FGD5: variants seen among roughly 807,000 people sequenced by gnomAD.
FGD5 encodes the protein FYVE, RhoGEF and PH domain-containing protein 5.
In FGD5, 28 loss-of-function variants were observed where a neutral mutation model predicts 133.4. That is an observed-to-expected ratio of 0.21 (90% CI 0.16 to 0.29). The LOEUF (loss-of-function observed/expected upper bound fraction) is 0.29, where lower values mean the gene tolerates loss of function less well. FGD5 is among the 10% of genes least tolerant of loss of function. FGD5 has a pLI of 1.00. For missense variants in FGD5, 1,858 were observed against 1,895.2 expected (o/e 0.98, Z 0.36); for synonymous variants, 810 against 776.5 (o/e 1.04, Z -0.72).
intron 1 of FGD5, among the ~76,000 whole-genome samples, chr3:14,851,848 G>A (rs1689528): frequency 0.061 from 9,320 of 151,636 alleles, 403 homozygotes; most frequent in East Asian, 0.15. Context: ...GGAGGAGGCT[G>A]AGATGGAATC....
At chr3:14,845,751 G>A (rs977238300) in intron 1 of FGD5, among the ~76,000 whole-genome samples, 7 of 152,184 alleles carry the variant, frequency 4.6e-5, no homozygotes, top group Admixed American at 3.3e-4. Flanking sequence ...TCATTGCCAC[G>A]TGCTTTGTTT....
At chr3:14,898,951 C>T (rs2038188456) in intron 7 of FGD5, 125 bp downstream of exon 7, 1 of 792,416 alleles carries the variant, frequency 1.3e-6, no homozygotes, top group Non-Finnish European at 2.0e-6. Flanking sequence ...GGAAGGGTGA[C>T]CTCTGCCATC....
chr3:14,849,591 C>T (rs2037119973), intron 1 of FGD5, among the ~76,000 whole-genome samples: 1 of 152,170 alleles, frequency 6.6e-6, no homozygotes, highest in Non-Finnish European at 1.5e-5. Flanking sequence ...TTCTAACCCT[C>T]ACTAAGCTGG....
At position 14,927,469 on chromosome 3, in the gene FGD5, A is replaced by C. The variant is rs1369599; in HGVS notation, c.4197+1271A>C. ...CCCTATCTCAACGAAAAATAAAATG[A>C]ATGAATGAATGAATGAATGAATGAT... On this transcript the variant is annotated intron_variant, in intron 18 of 19. Transcript: ENST00000285046. 7.9e-3 allele frequency among the ~76,000 whole-genome samples: 1,155 copies of C among 146,060 alleles called. 24 individuals are homozygous for C. The highest frequency in any genetic ancestry group is 0.031 in the African/African-American group (1,108 of 35,908).
At chr3:14,842,902 C>T (rs60573957) in intron 1 of FGD5, among the ~76,000 whole-genome samples, 75,707 of 151,986 alleles carry the variant, frequency 0.5, 19,198 homozygotes, top group African/African-American at 0.55. Flanking sequence ...AAACCCTGGC[C>T]CCTCTGTCTG....
chr3:14,821,047 T>C lies in FGD5; in HGVS notation c.1976T>C (p.Leu659Pro). 1 of 1,613,946 alleles carries C rather than the reference T, an allele frequency of 6.2e-7. No homozygotes were observed. Among genetic ancestry groups the C allele is most frequent in the Non-Finnish European group, 8.5e-7 (1 of 1,179,874 alleles). The change falls in exon 1 of 20, where the codon CTG becomes CCG. Residue 659 changes from leucine to proline, a missense_variant. Coordinates refer to ENST00000285046, the MANE Select transcript of FGD5 (RefSeq NM_152536.4). ...KKSSFKRFLA[L>P]TFKKKTENKL... ...TCATCCTTTAAGCGCTTCCTGGCACTGACGTTTAAGAAGAAGACGGAGAAC... is the reference window on the plus strand; with the variant it reads ...TCATCCTTTAAGCGCTTCCTGGCACCGACGTTTAAGAAGAAGACGGAGAAC...
At chr3:14,883,209 A>G (rs1421671606) in intron 4 of FGD5, among the ~76,000 whole-genome samples, 2 of 152,180 alleles carry the variant, frequency 1.3e-5, no homozygotes, top group African/African-American at 4.8e-5. Flanking sequence ...AATGGAGTTT[A>G]CATTTTTAAA....
intron 1 of FGD5, among the ~76,000 whole-genome samples, chr3:14,844,204 TAA>T (rs1168327274): frequency 0.043 from 738 of 17,094 alleles, 51 homozygotes; most frequent in Non-Finnish European, 0.051. Context: ...TAATAGGCAT[TAA>T]AAAAAAAAAA....
chr3:14,818,364 G>A (rs181023839), upstream of FGD5, among the ~76,000 whole-genome samples: 129 of 152,322 alleles, frequency 8.5e-4, no homozygotes, highest in Admixed American at 7.8e-4. Context: ...TTCATGAAGG[G>A]ATGAAATGGC....
intron 1 of FGD5, among the ~76,000 whole-genome samples, chr3:14,845,204 A>G (rs2037026679): frequency 6.6e-6 from 1 of 152,132 alleles, no homozygotes; most frequent in Non-Finnish European, 1.5e-5. Context: ...AAAGGTTCTG[A>G]AGGCACCCTT....
chr3:14,813,883 A>G (rs1053259739), intron 1 of FGD5, among the ~76,000 whole-genome samples: 4 of 152,202 alleles, frequency 2.6e-5, no homozygotes, highest in Non-Finnish European at 1.5e-5. Flanking sequence ...AGTGACAGAT[A>G]TTTAATTAAA....
At chr3:14,814,473 C>A (rs2036339756), upstream of FGD5, among the ~76,000 whole-genome samples, 1 of 152,154 alleles carries the variant, frequency 6.6e-6, no homozygotes, top group Admixed American at 6.5e-5. Flanking sequence ...CCATCTGGCT[C>A]CCTTTTGTGA....
At chr3:14,812,126 T>C (rs2036305089) in intron 1 of FGD5, among the ~76,000 whole-genome samples, 1 of 152,112 alleles carries the variant, frequency 6.6e-6, no homozygotes, top group South Asian at 2.1e-4. Context: ...GCTGCGCGTT[T>C]AGACAGTCTG....
At chr3:14,904,914 A>G (rs1211619403) in intron 9 of FGD5, among the ~76,000 whole-genome samples, 2 of 152,292 alleles carry the variant, frequency 1.3e-5, no homozygotes, top group South Asian at 2.1e-4. Flanking sequence ...TCAGCCTTCC[A>G]AACTGCTGGG....
intron 1 of FGD5, among the ~76,000 whole-genome samples, chr3:14,837,861 AT>A: frequency 6.6e-6 from 1 of 152,026 alleles, no homozygotes; most frequent in Admixed American, 6.5e-5. Context: ...GAGCTAAGTG[AT>A]TTCGTAGGGC....
At chr3:14,909,768 T>G (rs931238471) in intron 10 of FGD5, among the ~76,000 whole-genome samples, 9 of 151,274 alleles carry the variant, frequency 5.9e-5, no homozygotes, top group Admixed American at 3.9e-4. Context: ...TTTCTTTTTT[T>G]TTTTTTTTTG....
At position 14,921,972 on chromosome 3, in the gene FGD5, G is replaced by T; in HGVS notation, c.3624G>T (p.Glu1208Asp). 6.4e-7 allele frequency: 1 copy of T among 1,572,012 alleles called. No homozygotes were observed. Among genetic ancestry groups the T allele is most frequent in the Non-Finnish European group, 8.6e-7 (1 of 1,158,670 alleles). Residue 1208 changes from glutamate (E) to aspartate (D), a missense_variant, in exon 14 of 20, where the codon GAG becomes GAT. Transcript: ENST00000285046. The stretch of plus-strand genomic sequence containing the variant: ...GCTGTCTGAGCAGAGCCCTCCCTGA[G>T]GACTACAAGGCCCAGGCGCTGGCTG... ...WYGCLSRALP[E>D]DYKAQALAAF...
At chr3:14,850,086 C>T (rs1311823300) in intron 1 of FGD5, among the ~76,000 whole-genome samples, 2 of 152,238 alleles carry the variant, frequency 1.3e-5, no homozygotes, top group African/African-American at 2.4e-5. Flanking sequence ...TCCCCAGCTG[C>T]CTGGGGCAGG....
At chr3:14,853,544 A>G (rs2037208360) in intron 1 of FGD5, among the ~76,000 whole-genome samples, 1 of 150,682 alleles carries the variant, frequency 6.6e-6, no homozygotes, top group African/African-American at 2.4e-5. Flanking sequence ...TACGTCTGCA[A>G]TCTGGCCCCA....
Sources: allele counts gnomAD v4.1 joint callset (sites outside exome capture counted in the v4.1 genomes callset), GRCh38; gene constraint gnomAD v4.1.1; transcripts MANE v1.5; gene names NCBI Gene and HGNC (gene_info 2026-07-23, HGNC 2026-07-21).